The following ATXN7L1 variants were observed in gnomAD, a reference collection of about 807,000 sequenced individuals.
ATXN7L1 encodes the protein ataxin 7 like 1.
Under a neutral mutation model 70.8 loss-of-function variants are expected in ATXN7L1, and 15 were observed. The ratio of observed to expected loss-of-function variants is 0.21; its 90% CI spans 0.14 to 0.33. The LOEUF is 0.33. Among genes scored for constraint, ATXN7L1 ranks in the 10% least tolerant of loss-of-function variants. ATXN7L1 has a pLI of 1.00. For missense variants in ATXN7L1, 975 were observed against 1,097.1 expected, an observed-to-expected ratio of 0.89 and a Z score of 1.57; for synonymous variants, 440 against 445.1, an observed-to-expected ratio of 0.99 and a Z score of 0.14.
intron 3 of ATXN7L1, among the ~76,000 whole-genome samples, chr7:105,693,557 A>T (rs2116211562): frequency 9.5e-6 from 1 of 104,732 alleles, no homozygotes; most frequent in African/African-American, 3.5e-5. Flanking sequence ...CCATCCATCC[A>T]TCCATCCATC....
At chr7:105,617,449 T>C (rs1794085244) in intron 9 of ATXN7L1, among the ~76,000 whole-genome samples, 1 of 152,150 alleles carries the variant, frequency 6.6e-6, no homozygotes, top group Non-Finnish European at 1.5e-5. Context: ...ACACTCAGGA[T>C]TGGGATGGGT....
In ATXN7L1 at chr7:105,758,456, T is replaced by C. The variant is rs190466623; in HGVS notation, c.355+30148A>G. Among the ~76,000 whole-genome samples the C allele has an allele frequency of 4.7e-4, 71 of 152,336 alleles. No homozygotes were observed. The East Asian group carries it at 0.012, about 25-fold the overall frequency. ...TTGCTCCCAGCCCGGCTCTGAACCATCACACTCTTCAGTGTGAAGCAGGAG... is the reference window on the plus strand; with the variant it reads ...TTGCTCCCAGCCCGGCTCTGAACCACCACACTCTTCAGTGTGAAGCAGGAG... On this transcript the variant is annotated intron_variant, in intron 3 of 11. Coordinates refer to ENST00000419735, the MANE Select transcript of ATXN7L1 (RefSeq NM_020725.2).
chr7:105,686,077 G>A (rs773922394), intron 3 of ATXN7L1, among the ~76,000 whole-genome samples: 2 of 151,808 alleles, frequency 1.3e-5, no homozygotes, highest in Non-Finnish European at 2.9e-5. Flanking sequence ...TCCTCTCCTC[G>A]TCCATCTAAG....
intron 2 of ATXN7L1, among the ~76,000 whole-genome samples, chr7:105,809,010 GT>G (rs1808029865): frequency 6.6e-6 from 1 of 152,192 alleles, no homozygotes; most frequent in South Asian, 2.1e-4. Flanking sequence ...CCAAAGAAGC[GT>G]GGATGCACCT....
chr7:105,789,755 A>G (rs1025852324), intron 2 of ATXN7L1, among the ~76,000 whole-genome samples: 16 of 152,142 alleles, frequency 1.1e-4, no homozygotes, highest in Admixed American at 4.6e-4. Flanking sequence ...TTTAAGAACA[A>G]TGAGAAGTAC....
Position 105,624,132 on chromosome 7 carries a change from G to C in ATXN7L1, c.1338C>G (p.Ala446=), listed in dbSNP as rs912910085. 2.0e-6 allele frequency: 3 copies of C among 1,526,988 alleles called. No homozygotes were observed. The highest frequency in any genetic ancestry group is 2.6e-6 in the Non-Finnish European group (3 of 1,132,884). 94.6% of individuals were successfully genotyped at this position (1,526,988 alleles called of 1,614,324 possible). A position where few individuals can be genotyped will look rare whatever the true frequency, so the allele number is the denominator to read the frequency against. Residue 446 remains alanine (A), a synonymous_variant, in exon 8 of 12, where the codon GCC becomes GCG. Transcript: ENST00000419735. ...LSSDEGEMDG[A]DESEKLDCQF... is the part of the protein sequence containing the mutation. ...GACAGTCTAGCTTCTCGGATTCGTCGGCTCCGTCCATCTCCCCTTCATCAC... is the reference window on the plus strand; with the variant it reads ...GACAGTCTAGCTTCTCGGATTCGTCCGCTCCGTCCATCTCCCCTTCATCAC...
At chr7:105,692,430 C>CTCCTTCCTTCCTTCCTTCCTCCCTCCA (rs1791109193) in intron 3 of ATXN7L1, among the ~76,000 whole-genome samples, 1 of 109,332 alleles carries the variant, frequency 9.1e-6, no homozygotes, top group African/African-American at 3.4e-5. Flanking sequence ...TCCTTCCTCC[C>CTCCTTCCTTCCTTCCTTCCTCCCTCCA]TCCCTCCCTC....
chr7:105,863,525 C>T (rs1373924334), intron 2 of ATXN7L1, among the ~76,000 whole-genome samples: 2 of 152,240 alleles, frequency 1.3e-5, no homozygotes, highest in Non-Finnish European at 2.9e-5. Flanking sequence ...ACGTGAGCCC[C>T]TCCTTAAACA....
intron 4 of ATXN7L1, among the ~76,000 whole-genome samples, chr7:105,646,187 C>T (rs1381625216): frequency 6.6e-6 from 1 of 151,966 alleles, no homozygotes; most frequent in East Asian, 1.9e-4. Context: ...GTGGCATGTG[C>T]CTGTAGTCCT....
intron 3 of ATXN7L1, among the ~76,000 whole-genome samples, chr7:105,680,672 G>A (rs1464968696): frequency 6.6e-6 from 1 of 152,220 alleles, no homozygotes. Context: ...AGGCTAGCAG[G>A]TCAAGGGCCC....
chr7:105,634,635 C>T lies in ATXN7L1; in HGVS notation c.1202+3718G>A, dbSNP rs570931372. Among the ~76,000 whole-genome samples, 12 of 152,078 alleles carry T rather than the reference C, an allele frequency of 7.9e-5. No individual in the cohort carries two copies. The South Asian group carries it at 1.2e-3, about 16-fold the overall frequency. ...CCTTCCTAAATATTGGGATTACATA[C>T]GTGAGCCACTGCGCCTGGCCTCAGA... On this transcript the variant is annotated intron_variant, in intron 7 of 11. Coordinates refer to ENST00000419735, the MANE Select transcript of ATXN7L1 (RefSeq NM_020725.2).
At chr7:105,842,984 C>T (rs1333567797) in intron 2 of ATXN7L1, among the ~76,000 whole-genome samples, 1 of 152,096 alleles carries the variant, frequency 6.6e-6, no homozygotes, top group African/African-American at 2.4e-5. Flanking sequence ...TTTTCATGTA[C>T]AGTACATCTT....
chr7:105,692,966 C>T (rs1287851700), intron 3 of ATXN7L1, among the ~76,000 whole-genome samples: 1 of 152,188 alleles, frequency 6.6e-6, no homozygotes, highest in Non-Finnish European at 1.5e-5. Flanking sequence ...GATCCTCCTG[C>T]TTTGGCCTTC....
chr7:105,843,878 C>T (rs928298875), intron 2 of ATXN7L1, among the ~76,000 whole-genome samples: 1 of 152,174 alleles, frequency 6.6e-6, no homozygotes, highest in African/African-American at 2.4e-5. Flanking sequence ...GGTTTAAAAC[C>T]ACAATTTGTT....
At chr7:105,853,991 G>A (rs1030457939) in intron 2 of ATXN7L1, among the ~76,000 whole-genome samples, 3 of 151,982 alleles carry the variant, frequency 2.0e-5, no homozygotes, top group Non-Finnish European at 4.4e-5. Flanking sequence ...GACACGCGGC[G>A]GTCTAAGCAC....
chr7:105,730,572 T>C (rs889821405), intron 3 of ATXN7L1, among the ~76,000 whole-genome samples: 2 of 151,532 alleles, frequency 1.3e-5, no homozygotes, highest in Admixed American at 6.6e-5. Context: ...CTCTACTAAA[T>C]GTACAAAAAA....
chr7:105,691,234 C>A (rs987611905), intron 3 of ATXN7L1, among the ~76,000 whole-genome samples: 3 of 152,208 alleles, frequency 2.0e-5, no homozygotes, highest in African/African-American at 4.8e-5. Context: ...TGCATCCACC[C>A]TCGAGGAGCG....
chr7:105,735,121 T>C (rs1208751649), intron 3 of ATXN7L1, among the ~76,000 whole-genome samples: 1 of 152,188 alleles, frequency 6.6e-6, no homozygotes, highest in Non-Finnish European at 1.5e-5. Context: ...ATTAAATACC[T>C]CGAAGAAATC....
At chr7:105,688,527 A>C (rs1790281647) in intron 3 of ATXN7L1, among the ~76,000 whole-genome samples, 1 of 152,046 alleles carries the variant, frequency 6.6e-6, no homozygotes, top group African/African-American at 2.4e-5. Flanking sequence ...TGGGCAACAC[A>C]GAGCAAGACC....
Sources: allele counts gnomAD v4.1 joint callset (sites outside exome capture counted in the v4.1 genomes callset), GRCh38; gene constraint gnomAD v4.1.1; transcripts MANE v1.5; gene names NCBI Gene and HGNC (gene_info 2026-07-23, HGNC 2026-07-21).